Variants in LINGO2 observed in about 807,000 individuals in gnomAD.
The protein encoded by LINGO2 is leucine-rich repeat and immunoglobulin-like domain-containing nogo receptor-interacting protein 2.
A neutral mutation model predicts 30.6 loss-of-function variants in LINGO2; 14 were observed. That is an observed-to-expected ratio of 0.46 (90% confidence interval 0.30 to 0.72). LINGO2 has a LOEUF of 0.72. LINGO2 is among the 30% of genes least tolerant of loss of function. The pLI is 0.07. For synonymous variants in LINGO2, 317 were observed against 288.5 expected, an observed-to-expected ratio of 1.10 and a Z score of -1.00; for missense variants, 729 against 751.7, an observed-to-expected ratio of 0.97 and a Z score of 0.35.
chr9:28,010,759 C>T (rs1822514549), intron 5 of LINGO2, among the ~76,000 whole-genome samples: 1 of 152,118 alleles, frequency 6.6e-6, no homozygotes, highest in Non-Finnish European at 1.5e-5. Context: ...TCAAGAACAG[C>T]CTGGAGAATA....
At chr9:28,250,272 T>C (rs1355271073) in intron 4 of LINGO2, among the ~76,000 whole-genome samples, 1 of 152,200 alleles carries the variant, frequency 6.6e-6, no homozygotes, top group Non-Finnish European at 1.5e-5. Flanking sequence ...TGGATGTAGC[T>C]TTCCTTATTT....
chr9:28,356,052 A>T (rs902259365), intron 3 of LINGO2, among the ~76,000 whole-genome samples: 1 of 152,150 alleles, frequency 6.6e-6, no homozygotes, highest in Non-Finnish European at 1.5e-5. Flanking sequence ...AGAGCTATTG[A>T]TCTAGAAATA....
At chr9:28,605,651 C>A (rs971257535) in intron 1 of LINGO2, among the ~76,000 whole-genome samples, 2 of 151,588 alleles carry the variant, frequency 1.3e-5, no homozygotes, top group East Asian at 3.8e-4. Context: ...AGTTAAGCTT[C>A]TTCTTCTTCC....
At chr9:28,645,455 G>GT in intron 1 of LINGO2, among the ~76,000 whole-genome samples, 1 of 152,256 alleles carries the variant, frequency 6.6e-6, no homozygotes, top group Non-Finnish European at 1.5e-5. Flanking sequence ...AACTGTTTCT[G>GT]TAAGTACACT....
In LINGO2 at chr9:28,199,931, A is replaced by C. The variant is rs143661075; in HGVS notation, c.-87+95277T>G. 1.4e-3 allele frequency among the ~76,000 whole-genome samples: 211 copies of C among 152,068 alleles called. 1 individual carries two copies. Among genetic ancestry groups the C allele is most frequent in the East Asian group, 0.01 (53 of 5,182 alleles). ...TACAGGTCATAAAGATAACCAAACA[A>C]AGAACTTCGTGGTTATTTTCTGTTA... On this transcript the variant is annotated intron_variant, in intron 4 of 5. Transcript: ENST00000379992.
chr9:29,199,590 C>T, the LINGO2 span, among the ~76,000 whole-genome samples: 1 of 152,186 alleles, frequency 6.6e-6, no homozygotes, highest in Admixed American at 6.5e-5. Context: ...GAAAGGCTGA[C>T]CAACTCCCCT....
chr9:28,675,599 G>A, the LINGO2 span, among the ~76,000 whole-genome samples: 13 of 151,672 alleles, frequency 8.6e-5, no homozygotes, highest in African/African-American at 1.9e-4. Context: ...AACATTTTGC[G>A]GTGGCTCACG....
At chr9:28,623,499 T>A (rs1430750035) in intron 1 of LINGO2, among the ~76,000 whole-genome samples, 1 of 152,044 alleles carries the variant, frequency 6.6e-6, no homozygotes, top group Non-Finnish European at 1.5e-5. Context: ...ACGAGTTCAC[T>A]TTAGGTGTGT....
chr9:27,954,602 C>T (rs1205378291), intron 5 of LINGO2, among the ~76,000 whole-genome samples: 1 of 152,096 alleles, frequency 6.6e-6, no homozygotes, highest in Non-Finnish European at 1.5e-5. Context: ...TGTTGATGGA[C>T]ACTTAGATTG....
chr9:28,837,126 T>C, the LINGO2 span, among the ~76,000 whole-genome samples: 3 of 152,302 alleles, frequency 2.0e-5, no homozygotes, highest in South Asian at 6.2e-4. Flanking sequence ...TATCCTGTGT[T>C]TATTCTGTTT....
chr9:28,435,713 G>A (rs900962532), intron 2 of LINGO2, among the ~76,000 whole-genome samples: 5 of 152,192 alleles, frequency 3.3e-5, no homozygotes, highest in Admixed American at 1.3e-4. Context: ...TGTGTATCAA[G>A]TAGCTCTCTC....
the LINGO2 span, among the ~76,000 whole-genome samples, chr9:29,202,758 C>T: frequency 5.3e-5 from 8 of 151,960 alleles, no homozygotes; most frequent in Admixed American, 5.2e-4. Flanking sequence ...GCTAGTAATA[C>T]TTTTAGTTTT....
intron 4 of LINGO2, among the ~76,000 whole-genome samples, chr9:28,074,889 T>A (rs533553713): frequency 6.6e-6 from 1 of 151,874 alleles, no homozygotes; most frequent in East Asian, 1.9e-4. Flanking sequence ...GCATTGTATC[T>A]TTTTCTCTTT....
At chr9:28,571,482 CACAG>C (rs1188344387) in intron 1 of LINGO2, among the ~76,000 whole-genome samples, 3 of 151,984 alleles carry the variant, frequency 2.0e-5, no homozygotes, top group African/African-American at 7.2e-5. Flanking sequence ...CACCACACTT[CACAG>C]ACATTCTCTC....
chr9:28,383,922 G>T (rs1821460767), intron 2 of LINGO2, among the ~76,000 whole-genome samples: 1 of 152,106 alleles, frequency 6.6e-6, no homozygotes, highest in East Asian at 1.9e-4. Context: ...AGAATCTGGG[G>T]TAGAGAAACC....
At chr9:29,003,851 T>C in the LINGO2 span, among the ~76,000 whole-genome samples, 1 of 152,056 alleles carries the variant, frequency 6.6e-6, no homozygotes, top group Non-Finnish European at 1.5e-5. Flanking sequence ...GGAGAGAATC[T>C]GTATCACTAG....
At chr9:29,057,164 T>C in the LINGO2 span, among the ~76,000 whole-genome samples, 1 of 152,112 alleles carries the variant, frequency 6.6e-6, no homozygotes, top group African/African-American at 2.4e-5. Flanking sequence ...GAAGGGAATT[T>C]CATGAATTTG....
chr9:28,309,100 G>A (rs1359065833), intron 3 of LINGO2, among the ~76,000 whole-genome samples: 11 of 151,990 alleles, frequency 7.2e-5, no homozygotes, highest in African/African-American at 2.7e-4. Flanking sequence ...CCAAAGGACT[G>A]TAAATCATGC....
the LINGO2 span, among the ~76,000 whole-genome samples, chr9:28,966,214 G>A: frequency 6.6e-6 from 1 of 152,108 alleles, no homozygotes; most frequent in African/African-American, 2.4e-5. Flanking sequence ...ACTGGCTAAT[G>A]TCTGAAAAGC....
Sources: allele counts gnomAD v4.1 joint callset (sites outside exome capture counted in the v4.1 genomes callset), GRCh38; gene constraint gnomAD v4.1.1; transcripts MANE v1.5; gene names NCBI Gene and HGNC (gene_info 2026-07-23, HGNC 2026-07-21).